CLIP2: variants seen among roughly 807,000 people sequenced by gnomAD.
The protein encoded by CLIP2 is CAP-Gly domain containing linker protein 2, also known as CAP-Gly domain-containing linker protein 2.
CLIP2 carries 41 observed loss-of-function variants against 111.7 expected under a neutral mutation model. The ratio of observed to expected loss-of-function variants is 0.37; its 90% CI spans 0.29 to 0.48. The LOEUF (loss-of-function observed/expected upper bound fraction) is 0.48. Among genes scored for constraint, CLIP2 ranks in the 20% least tolerant of loss-of-function variants. The pLI, the probability that CLIP2 is intolerant of heterozygous loss-of-function variation, is 0.99. For synonymous variants in CLIP2, 660 were observed against 644.2 expected (o/e 1.02, Z -0.37); for missense variants, 1,160 against 1,422.1 (o/e 0.82, Z 2.96).
intron 10 of CLIP2, among the ~76,000 whole-genome samples, chr7:74,378,086 A>G (rs1790843580): frequency 6.6e-6 from 1 of 151,840 alleles, no homozygotes; most frequent in Non-Finnish European, 1.5e-5. Flanking sequence ...TCGGCCTCCC[A>G]AAGTGCTGGG....
chr7:74,290,463 C>T (rs1461023938), intron 1 of CLIP2, among the ~76,000 whole-genome samples: 2 of 152,234 alleles, frequency 1.3e-5, no homozygotes, highest in Admixed American at 1.3e-4. Flanking sequence ...CCCGTTTGGA[C>T]CTTTCAGGCA....
At chr7:74,303,057 G>A (rs144505766) in intron 1 of CLIP2, among the ~76,000 whole-genome samples, 22 of 152,228 alleles carry the variant, frequency 1.4e-4, no homozygotes, top group African/African-American at 4.8e-4. Context: ...ACAGACAGCC[G>A]GGCACCCTCC....
Position 74,364,167 on chromosome 7 carries a change from G to A in CLIP2, c.1320-88G>A, listed in dbSNP as rs1049187487. 1.7e-5 allele frequency: 21 copies of A among 1,226,546 alleles called. No individual in the cohort carries two copies. The African/African-American group carries it at 2.7e-4, about 16-fold the overall frequency. The allele number at this position is 1,226,546 out of a possible 1,614,324, so 76.0% of individuals were successfully genotyped here. On this transcript the variant is annotated intron_variant, in intron 7 of 16. Transcript: ENST00000223398. ...CCTCTGGATTCTGGGCCATTCTCAT[G>A]GCCTTGCCTCTCTCTGCTGTTGCTC...
intron 13 of CLIP2, among the ~76,000 whole-genome samples, chr7:74,395,787 C>CAGCAGATTAAAGT (rs1296024243): frequency 6.6e-6 from 1 of 152,276 alleles, no homozygotes; most frequent in East Asian, 1.9e-4. Flanking sequence ...ATCCATCAAA[C>CAGCAGATTAAAGT]AGCAGATTAA....
chr7:74,303,311 G>C (rs1007680144), intron 1 of CLIP2, among the ~76,000 whole-genome samples: 4 of 152,222 alleles, frequency 2.6e-5, no homozygotes, highest in Admixed American at 6.5e-5. Context: ...GGGGTCCGTG[G>C]AGCAGGTGAG....
intron 14 of CLIP2, among the ~76,000 whole-genome samples, 158 bp from the exon 15 acceptor site, chr7:74,400,212 T>C (rs1480963663): frequency 6.7e-6 from 1 of 148,762 alleles, no homozygotes; most frequent in African/African-American, 2.5e-5. Flanking sequence ...TTGGAGACCA[T>C]GGAGCACCTC....
At chr7:74,316,989 C>T (rs557712502) in intron 1 of CLIP2, among the ~76,000 whole-genome samples, 1 of 152,344 alleles carries the variant, frequency 6.6e-6, no homozygotes, top group African/African-American at 2.4e-5. Context: ...AAGCGATCCA[C>T]CAGCCTCAGC....
chr7:74,371,833 C>T (rs1554311930), intron 8 of CLIP2, among the ~76,000 whole-genome samples: 1 of 151,896 alleles, frequency 6.6e-6, no homozygotes, highest in Admixed American at 6.6e-5. Context: ...ATAAAATAGG[C>T]CAAAGGACAT....
intron 4 of CLIP2, 93 bp downstream of exon 4, chr7:74,354,097 G>C: frequency 7.0e-7 from 1 of 1,430,674 alleles, no homozygotes; most frequent in Non-Finnish European, 9.5e-7. Context: ...GGAAGCGAGT[G>C]TCCAGCATGT....
At chr7:74,382,022 A>G (rs1476297677) in intron 11 of CLIP2, among the ~76,000 whole-genome samples, 1 of 152,212 alleles carries the variant, frequency 6.6e-6, no homozygotes, top group Non-Finnish European at 1.5e-5. Flanking sequence ...CCAATCTGAA[A>G]GGTAAAAGGT....
intron 10 of CLIP2, chr7:74,380,532 A>G (rs1790913547): frequency 3.5e-6 from 1 of 284,706 alleles, no homozygotes; most frequent in African/African-American, 2.2e-5. Flanking sequence ...TATAATAAAC[A>G]TTTTCAACAA....
chr7:74,391,314 A>G (rs1554315824), intron 13 of CLIP2, among the ~76,000 whole-genome samples: 3 of 152,204 alleles, frequency 2.0e-5, no homozygotes, highest in Non-Finnish European at 2.9e-5. Context: ...TAGCCCCAGA[A>G]AAAACCTATT....
chr7:74,306,828 C>T (rs1788503780), intron 1 of CLIP2, among the ~76,000 whole-genome samples: 1 of 152,126 alleles, frequency 6.6e-6, no homozygotes, highest in Non-Finnish European at 1.5e-5. Flanking sequence ...ACACTTGTAC[C>T]CCATTTTACA....
chr7:74,343,401 C>T (rs368247559), intron 3 of CLIP2, among the ~76,000 whole-genome samples: 149 of 152,148 alleles, frequency 9.8e-4, no homozygotes, highest in African/African-American at 3.3e-3. Flanking sequence ...TCAGGATCTC[C>T]GGGGTCTGTG....
rs1790341988 is a variant in CLIP2, at chr7:74,362,007, A to C, written c.1319+1729A>C. 2.0e-5 allele frequency among the ~76,000 whole-genome samples: 3 copies of C among 151,962 alleles called. No individual in the cohort carries two copies. In the South Asian group the frequency reaches 6.2e-4, roughly 32 times the overall value. ...TCCCAGCTACTCGGGAGGCTGAGGCAGGAGAATCGCTTGAACCCAGGAGGT... is the reference window on the plus strand; with the variant it reads ...TCCCAGCTACTCGGGAGGCTGAGGCCGGAGAATCGCTTGAACCCAGGAGGT... On this transcript the variant is annotated intron_variant, in intron 7 of 16. Transcript: ENST00000223398.
intron 1 of CLIP2, among the ~76,000 whole-genome samples, chr7:74,307,335 T>C (rs1788521070): frequency 6.6e-6 from 1 of 152,168 alleles, no homozygotes; most frequent in Admixed American, 6.5e-5. Flanking sequence ...CCGGGTCTGA[T>C]TCCAGGACAG....
At position 74,359,635 on chromosome 7, in the gene CLIP2, A is replaced by G. The variant is rs551966987; in HGVS notation, c.1216-540A>G. Among the ~76,000 whole-genome samples the G allele has an allele frequency of 8.1e-4, 124 of 152,282 alleles. 1 individual carries two copies. Among genetic ancestry groups the G allele is most frequent in the East Asian group, 2.1e-3 (11 of 5,184 alleles). ...CTCCCAAAGTGCTGAGATTACAGGCAGGAGCCACTGCACCCGGCCCATTTC... is the reference window on the plus strand; with the variant it reads ...CTCCCAAAGTGCTGAGATTACAGGCGGGAGCCACTGCACCCGGCCCATTTC... On this transcript the variant is annotated intron_variant, in intron 6 of 16. Transcript: ENST00000223398.
At chr7:74,381,870 G>A (rs1790953956) in intron 11 of CLIP2, among the ~76,000 whole-genome samples, 1 of 152,084 alleles carries the variant, frequency 6.6e-6, no homozygotes, top group East Asian at 1.9e-4. Flanking sequence ...TCCAGTCTTG[G>A]TCAATTACAA....
intron 8 of CLIP2, among the ~76,000 whole-genome samples, chr7:74,369,887 C>T (rs1223197755): frequency 1.3e-5 from 1 of 77,204 alleles, no homozygotes; most frequent in African/African-American, 3.9e-5. Context: ...AATCCAGGCA[C>T]GGTGGCTCAT....
Sources: gnomAD v4.1 joint callset for allele counts (sites outside exome capture counted in the v4.1 genomes callset) on GRCh38, gnomAD v4.1.1 for gene constraint, MANE v1.5 for transcripts, NCBI Gene and HGNC (gene_info 2026-07-23, HGNC 2026-07-21) for gene names.